Variants in SEC63 observed in about 807,000 individuals in gnomAD.
SEC63 encodes translocation protein SEC63 homolog.
SEC63 carries 56 observed loss-of-function variants against 116.2 expected under a neutral mutation model. The observed-to-expected ratio is 0.48, with a 90% CI of 0.39 to 0.60. The LOEUF (loss-of-function observed/expected upper bound fraction) is 0.60, where lower values mean the gene tolerates loss of function less well. Among genes scored for constraint, SEC63 ranks in the 20% least tolerant of loss-of-function variants. The pLI is 0.00. For synonymous variants in SEC63, 273 were observed against 294.6 expected, an observed-to-expected ratio of 0.93 and a Z score of 0.75; for missense variants, 668 against 900.0, an observed-to-expected ratio of 0.74 and a Z score of 3.30.
At chr6:107,915,404 G>A (rs2114465339) in intron 4 of SEC63, among the ~76,000 whole-genome samples, 1 of 152,214 alleles carries the variant, frequency 6.6e-6, no homozygotes, top group African/African-American at 2.4e-5. Context: ...CTGTAAACAA[G>A]TGACCATGAG....
At chr6:107,886,897 A>G (rs1786542876) in intron 16 of SEC63, among the ~76,000 whole-genome samples, 2 of 142,394 alleles carry the variant, frequency 1.4e-5, no homozygotes, top group South Asian at 4.3e-4. Flanking sequence ...ATCAGATCCC[A>G]TCTGTCTATT....
At chr6:107,923,892 G>C (rs913101951) in intron 3 of SEC63, among the ~76,000 whole-genome samples, 8 of 152,108 alleles carry the variant, frequency 5.3e-5, no homozygotes, top group Non-Finnish European at 8.8e-5. Context: ...AAGGTCATAA[G>C]ATTTTTATCA....
chr6:107,892,129 G>T (rs1786697372), intron 16 of SEC63, among the ~76,000 whole-genome samples: 1 of 152,194 alleles, frequency 6.6e-6, no homozygotes, highest in South Asian at 2.1e-4. Flanking sequence ...GGATGTTTAA[G>T]TCTGCTGAAG....
At chr6:107,913,263 G>A in intron 5 of SEC63, 103 bp downstream of exon 5, 2 of 830,944 alleles carry the variant, frequency 2.4e-6, no homozygotes, top group South Asian at 2.9e-5. Context: ...AACTCCATGT[G>A]AGTATAAGTT....
At position 107,902,866 on chromosome 6, in the gene SEC63, C is replaced by T. The variant is rs772376487; in HGVS notation, c.1187G>A (p.Arg396Lys). 2 of 1,614,030 alleles carry T rather than the reference C, an allele frequency of 1.2e-6. No individual in the cohort carries two copies. Among genetic ancestry groups the T allele is most frequent in the Non-Finnish European group, 8.5e-7 (1 of 1,179,924 alleles). The change falls in exon 12 of 21, where the codon AGA becomes AAA. Residue 396 changes from arginine (R) to lysine (K), a missense_variant. By Grantham distance (26) the Arg-to-Lys change is conservative (BLOSUM62 2). Transcript: ENST00000369002. ...TACCTTCTTATGATTAGAAACCCGT[C>T]TAAGATTGTCCTCTTCAATATGAGG... ...QLPHIEEDNL[R>K]RVSNHKKYKI...
intron 4 of SEC63, among the ~76,000 whole-genome samples, chr6:107,913,752 G>A (rs1428481809): frequency 6.6e-6 from 1 of 152,100 alleles, no homozygotes; most frequent in Non-Finnish European, 1.5e-5. Context: ...AAGAAGGCAG[G>A]GAGAATTGTA....
Position 107,870,930 on chromosome 6 carries a change from A to T in SEC63, c.*774T>A, listed in dbSNP as rs1250224229. On this transcript the variant is annotated 3_prime_UTR_variant, in exon 21 of 21. Transcript: ENST00000369002. ...TTTTAGAGTGAACCTTTTTTAAAAA[A>T]GGTTTAATAACATAAGCCACCAGTA... is the stretch of plus-strand genomic sequence containing the variant. 2.0e-5 allele frequency: 3 copies of T among 152,594 alleles called. No individual in the cohort carries two copies. In the East Asian group the frequency reaches 5.8e-4, roughly 29 times the overall value. 9.5% of individuals were successfully genotyped at this position (152,594 alleles called of 1,614,324 possible).
chr6:107,913,603 A>C (rs1265318204), intron 4 of SEC63, among the ~76,000 whole-genome samples, 176 bp from the exon 5 acceptor site: 1 of 152,210 alleles, frequency 6.6e-6, no homozygotes, highest in Non-Finnish European at 1.5e-5. Context: ...AGAAATGCGC[A>C]TTAACAGAAA....
At chr6:107,953,794 G>C (rs1486758818) in intron 1 of SEC63, among the ~76,000 whole-genome samples, 1 of 122,874 alleles carries the variant, frequency 8.1e-6, no homozygotes. Flanking sequence ...GGAGGGAGGT[G>C]GGGGTGTGAG....
Position 107,870,298 on chromosome 6 carries a change from A to T in SEC63, c.*1406T>A, listed in dbSNP as rs931642597. ...ATTACATCTTAAATTTAGAACCAAA[A>T]AAACCATTCATGGTTTTGCTAATTT... On this transcript the variant is annotated 3_prime_UTR_variant, in exon 21 of 21. Transcript: ENST00000369002. The T allele has an allele frequency of 2.0e-5, 3 of 152,646 alleles. No individual in the cohort carries two copies. The highest frequency in any genetic ancestry group is 4.4e-5 in the Non-Finnish European group (3 of 68,030). The allele number at this position is 152,646 out of a possible 1,614,324, so 9.5% of individuals were successfully genotyped here. A position where few individuals can be genotyped will look rare whatever the true frequency, so the allele number is the denominator to read the frequency against.
At chr6:107,880,747 A>T (rs1786395991) in intron 18 of SEC63, among the ~76,000 whole-genome samples, 1 of 152,156 alleles carries the variant, frequency 6.6e-6, no homozygotes, top group African/African-American at 2.4e-5. Context: ...TCAGAGAGAA[A>T]ATTTAAGAAT....
At position 107,929,455 on chromosome 6, in the gene SEC63, G is replaced by A. The variant is rs765786241; in HGVS notation, c.184C>T (p.Arg62Trp). 63 of 1,600,532 alleles carry A rather than the reference G, an allele frequency of 3.9e-5. No individual in the cohort carries two copies. The highest frequency in any genetic ancestry group is 1.2e-4 in the South Asian group (11 of 90,788). Reference protein sequence around the residue: ...VYGRCMWYRLRLLKPQPNIIP... With the variant: ...VYGRCMWYRLWLLKPQPNIIP... ...ATATTTGGCTGGGGTTTTAATAACCGTAAACGATACCACATACACCTTCCA... is the reference window on the plus strand; with the variant it reads ...ATATTTGGCTGGGGTTTTAATAACCATAAACGATACCACATACACCTTCCA... The change falls in exon 2 of 21, where the codon CGG (arginine) becomes TGG (tryptophan). Residue 62 changes from arginine (R) to tryptophan (W), a missense_variant. Physicochemically the swap from Arg to Trp is moderately radical, Grantham distance 101. This residue lies in a region of SEC63 where 142 missense variants were observed against 169.5 expected (regional missense o/e 0.84). Coordinates refer to ENST00000369002, the MANE Select transcript of SEC63 (RefSeq NM_007214.5).
chr6:107,924,992 A>G (rs1416738987), intron 2 of SEC63, 60 bp from the exon 3 acceptor site: 2 of 1,000,784 alleles, frequency 2.0e-6, no homozygotes, highest in African/African-American at 3.2e-5. Flanking sequence ...GTCTAAAGAC[A>G]TTATGGCAAG....
intron 6 of SEC63, among the ~76,000 whole-genome samples, chr6:107,912,159 G>GA (rs1193170956): frequency 1.3e-5 from 2 of 152,158 alleles, no homozygotes; most frequent in Non-Finnish European, 2.9e-5. Flanking sequence ...TTATTTTCAA[G>GA]AAAGTTGAAG....
In SEC63 at chr6:107,924,955, A is replaced by T. The variant is rs749852544; in HGVS notation, c.225-23T>A. Reference sequence around the variant, plus strand: ...TTCCTGTTTAGGAAAAAGGTAAGTGAATCATAAACAAATACATCTGCATAG... The same window carrying T: ...TTCCTGTTTAGGAAAAAGGTAAGTGTATCATAAACAAATACATCTGCATAG... On this transcript the variant is annotated intron_variant, in intron 2 of 20. Coordinates refer to ENST00000369002, the MANE Select transcript of SEC63 (RefSeq NM_007214.5). 4 of 1,295,074 alleles carry T rather than the reference A, an allele frequency of 3.1e-6. No individual in the cohort carries two copies. The East Asian group carries it at 6.9e-5, about 22-fold the overall frequency. The allele number at this position is 1,295,074 out of a possible 1,614,324, so 80.2% of individuals were successfully genotyped here. A position where few individuals can be genotyped will look rare whatever the true frequency, so the allele number is the denominator to read the frequency against.
At position 107,921,886 on chromosome 6, in the gene SEC63, T is replaced by C. The variant is rs146677514; in HGVS notation, c.363A>G (p.Lys121=). 5.0e-4 allele frequency: 812 copies of C among 1,609,874 alleles called. 6 individuals are homozygous for C. In the African/African-American group the frequency reaches 9.9e-3, roughly 20 times the overall value. Residue 121 remains lysine (K), a synonymous_variant, in exon 4 of 21, where the codon AAA becomes AAG. Transcript: ENST00000369002. Reference sequence around the variant, plus strand: ...TAAGTGACAGCAAACGATATTGTTTTTTAATTTCTGCTACTGTGGCTCCCT... The same window carrying C: ...TAAGTGACAGCAAACGATATTGTTTCTTAATTTCTGCTACTGTGGCTCCCT... ...LDPGATVAEI[K]KQYRLLSLKY... is the part of the protein sequence containing the mutation.
At chr6:107,939,415 A>AT (rs575370410) in intron 1 of SEC63, among the ~76,000 whole-genome samples, 169 of 152,358 alleles carry the variant, frequency 1.1e-3, no homozygotes, top group African/African-American at 4.0e-3. Flanking sequence ...AACATATACC[A>AT]TGTAACCTAA....
At chr6:107,919,872 T>C (rs193275998) in intron 4 of SEC63, among the ~76,000 whole-genome samples, 2 of 151,656 alleles carry the variant, frequency 1.3e-5, no homozygotes, top group African/African-American at 2.4e-5. Context: ...TAAAATACTA[T>C]CAAATAGCAT....
At position 107,901,488 on chromosome 6, in the gene SEC63, C is replaced by T; in HGVS notation, c.1239G>A (p.Val413=). Residue 413 remains valine (V), a synonymous_variant, in exon 13 of 21, where the codon GTG becomes GTA. Coordinates refer to ENST00000369002, the MANE Select transcript of SEC63 (RefSeq NM_007214.5). ...TGTGACGATCTGATTCTTTTAAACT[C>T]ACCAAATCCTGGATAGTTTTAATTT... The part of the protein sequence containing the change: ...KYKIKTIQDL[V]SLKESDRHTL... The T allele has an allele frequency of 6.3e-7, 1 of 1,597,582 alleles. No homozygotes were observed. The highest frequency in any genetic ancestry group is 8.6e-7 in the Non-Finnish European group (1 of 1,165,708).
Sources: allele counts gnomAD v4.1 joint callset (sites outside exome capture counted in the v4.1 genomes callset), GRCh38; gene constraint gnomAD v4.1.1; regional missense constraint gnomAD v4.1.1; transcripts MANE v1.5; gene names NCBI Gene and HGNC (gene_info 2026-07-23, HGNC 2026-07-21).